PTPRD: variants seen among roughly 807,000 people sequenced by gnomAD.
The protein encoded by PTPRD is receptor-type tyrosine-protein phosphatase delta.
A neutral mutation model predicts 214.5 loss-of-function variants in PTPRD; 34 were observed. The ratio of observed to expected loss-of-function variants is 0.16; its 90% confidence interval spans 0.12 to 0.21. PTPRD has a LOEUF of 0.21. Ranked by LOEUF, PTPRD falls within the 10% of genes least tolerant of loss-of-function variation. The pLI is 1.00. For synonymous variants in PTPRD, 1,128 were observed against 845.7 expected (o/e 1.33, Z -5.79); for missense variants, 2,545 against 2,398.7 (o/e 1.06, Z -1.27).
At chr9:10,004,889 G>A (rs1171082628) in intron 4 of PTPRD, among the ~76,000 whole-genome samples, 4 of 152,074 alleles carry the variant, frequency 2.6e-5, no homozygotes, top group South Asian at 2.1e-4. Context: ...TCATTCCCTC[G>A]AAGGACTGGC....
At chr9:9,656,685 T>C (rs1046394491) in intron 7 of PTPRD, among the ~76,000 whole-genome samples, 1 of 152,186 alleles carries the variant, frequency 6.6e-6, no homozygotes, top group Non-Finnish European at 1.5e-5. Context: ...TATGATACTA[T>C]AATGGTGGAT....
chr9:9,795,379 G>A (rs2098995311), intron 5 of PTPRD, among the ~76,000 whole-genome samples: 1 of 152,018 alleles, frequency 6.6e-6, no homozygotes, highest in African/African-American at 2.4e-5. Flanking sequence ...ACTGTTATAG[G>A]GCTAGAGATC....
chr9:9,931,765 C>G (rs1284068942), intron 5 of PTPRD, among the ~76,000 whole-genome samples: 1 of 151,990 alleles, frequency 6.6e-6, no homozygotes, highest in East Asian at 2.0e-4. Context: ...GGCTCCACCT[C>G]TGGGGGCAGG....
intron 11 of PTPRD, among the ~76,000 whole-genome samples, chr9:8,880,727 G>T (rs1347815590): frequency 1.3e-5 from 2 of 151,956 alleles, no homozygotes; most frequent in African/African-American, 2.4e-5. Flanking sequence ...CAAATAAATA[G>T]AATTAAAATA....
At chr9:9,933,950 A>C (rs1324961200) in intron 5 of PTPRD, among the ~76,000 whole-genome samples, 1 of 145,804 alleles carries the variant, frequency 6.9e-6, no homozygotes, top group Admixed American at 6.7e-5. Flanking sequence ...AACTACATGG[A>C]AACTGAACAA....
intron 3 of PTPRD, among the ~76,000 whole-genome samples, chr9:10,138,235 G>T (rs1355558770): frequency 2.6e-5 from 4 of 151,808 alleles, no homozygotes; most frequent in African/African-American, 4.8e-5. Context: ...AAATACAAAA[G>T]ATCCTCAAAG....
intron 10 of PTPRD, among the ~76,000 whole-genome samples, chr9:9,064,219 G>A (rs764013127): frequency 6.6e-6 from 1 of 152,032 alleles, no homozygotes; most frequent in Non-Finnish European, 1.5e-5. Flanking sequence ...TATATTGTTT[G>A]TTATTGCTAT....
intron 10 of PTPRD, among the ~76,000 whole-genome samples, chr9:9,137,162 T>C (rs2154478706): frequency 1.3e-5 from 2 of 152,310 alleles, no homozygotes; most frequent in East Asian, 3.9e-4. Context: ...GGCAAATTGC[T>C]ATTGAAGAGG....
chr9:8,327,016 T>C (rs1167940727), intron 44 of PTPRD, among the ~76,000 whole-genome samples: 2 of 146,400 alleles, frequency 1.4e-5, no homozygotes. Flanking sequence ...GAAGGGTTTT[T>C]CGTGTCTCTA....
At chr9:9,310,155 T>A (rs1488323718) in intron 9 of PTPRD, among the ~76,000 whole-genome samples, 1 of 152,090 alleles carries the variant, frequency 6.6e-6, no homozygotes, top group Non-Finnish European at 1.5e-5. Flanking sequence ...GTCACATAGG[T>A]CGTTACTGTT....
At chr9:9,244,755 G>A (rs912989887) in intron 9 of PTPRD, among the ~76,000 whole-genome samples, 7 of 152,014 alleles carry the variant, frequency 4.6e-5, no homozygotes, top group Admixed American at 4.6e-4. Flanking sequence ...AACACCAAAA[G>A]CAATGGCAAC....
chr9:9,763,928 A>G (rs910212564), intron 6 of PTPRD, among the ~76,000 whole-genome samples: 2 of 152,138 alleles, frequency 1.3e-5, no homozygotes, highest in African/African-American at 2.4e-5. Context: ...TATATGACTG[A>G]TATTTGGCCA....
At chr9:8,449,109 C>A (rs994252915) in intron 34 of PTPRD, among the ~76,000 whole-genome samples, 1 of 152,156 alleles carries the variant, frequency 6.6e-6, no homozygotes, top group Non-Finnish European at 1.5e-5. Flanking sequence ...TCTGTTGAAG[C>A]ACTTAATGTT....
At chr9:8,572,286 CCTAACTAA>C (rs1166998741) in intron 14 of PTPRD, among the ~76,000 whole-genome samples, 5 of 151,998 alleles carry the variant, frequency 3.3e-5, no homozygotes, top group African/African-American at 1.2e-4. Flanking sequence ...GACTCTTCTA[CCTAACTAA>C]AAAGCAAAAC....
chr9:9,468,388 T>C (rs1366618876), intron 8 of PTPRD, among the ~76,000 whole-genome samples: 1 of 152,144 alleles, frequency 6.6e-6, no homozygotes, highest in Non-Finnish European at 1.5e-5. Context: ...GTTATCTTTG[T>C]ATAGATATGT....
intron 9 of PTPRD, among the ~76,000 whole-genome samples, chr9:9,340,328 A>C (rs1263089859): frequency 5.3e-5 from 8 of 152,204 alleles, no homozygotes; most frequent in Non-Finnish European, 1.0e-4. Flanking sequence ...TGAAGTAACC[A>C]ATTTCTTTTC....
chr9:8,527,680 C>A (rs2074565154), intron 15 of PTPRD, among the ~76,000 whole-genome samples: 1 of 151,932 alleles, frequency 6.6e-6, no homozygotes, highest in South Asian at 2.1e-4. Context: ...ATTATATATC[C>A]CTGTGAAATT....
At chr9:8,818,896 TC>T (rs2096979987) in intron 11 of PTPRD, among the ~76,000 whole-genome samples, 1 of 152,148 alleles carries the variant, frequency 6.6e-6, no homozygotes. Flanking sequence ...AAACAATTAC[TC>T]CCGAAGAGTT....
intron 14 of PTPRD, among the ~76,000 whole-genome samples, chr9:8,536,087 C>T (rs1279490612): frequency 1.3e-5 from 2 of 151,764 alleles, no homozygotes; most frequent in Non-Finnish European, 2.9e-5. Flanking sequence ...AAAACAAAAA[C>T]TCAGTAATAT....
Sources: gnomAD v4.1 joint callset for allele counts (sites outside exome capture counted in the v4.1 genomes callset) on GRCh38, gnomAD v4.1.1 for gene constraint, MANE v1.5 for transcripts, NCBI Gene and HGNC (gene_info 2026-07-23, HGNC 2026-07-21) for gene names.